CPT1C: variants seen among roughly 807,000 people sequenced by gnomAD.
The protein encoded by CPT1C is carnitine palmitoyltransferase 1C.
A neutral mutation model predicts 97.3 loss-of-function variants in CPT1C; 61 were observed. That is an observed-to-expected ratio of 0.63 (90% CI 0.51 to 0.78). The LOEUF (loss-of-function observed/expected upper bound fraction) is 0.78. CPT1C is among the 30% of genes least tolerant of loss of function. CPT1C has a pLI of 0.00. For synonymous variants in CPT1C, 469 were observed against 447.2 expected, an observed-to-expected ratio of 1.05 and a Z score of -0.61; for missense variants, 975 against 1,065.5, an observed-to-expected ratio of 0.92 and a Z score of 1.18.
At chr19:49,692,455 G>C in intron 3 of CPT1C, 62 bp downstream of exon 3, 1 of 1,590,296 alleles carries the variant, frequency 6.3e-7, no homozygotes, top group Non-Finnish European at 8.6e-7. Context: ...CGGGATGTCT[G>C]AGGCTCACTT....
rs771710311 is a variant in CPT1C at position 49,710,444 on chromosome 19, A to G, written c.1691A>G (p.Asp564Gly). 6 of 1,614,006 alleles carry G rather than the reference A, an allele frequency of 3.7e-6. No individual in the cohort carries two copies. In the East Asian group the frequency reaches 1.3e-4, roughly 36 times the overall value. Residue 564 changes from aspartate to glycine, a missense_variant, in exon 15 of 20, where the codon GAC (aspartate) becomes GGC (glycine). This residue lies in a region of CPT1C where 344 missense variants were observed against 395.7 expected (regional missense o/e 0.87). Transcript: ENST00000598293. Reference protein sequence around the residue: ...SFIRRCHLSSDSFIQIALQLA... With the variant: ...SFIRRCHLSSGSFIQIALQLA... ...ATCCGACGCTGCCACCTCTCTTCAG[A>G]CAGCTTCATCCAGATCGCCTTGCAA... is the stretch of plus-strand genomic sequence containing the variant.
intron 7 of CPT1C, among the ~76,000 whole-genome samples, chr19:49,703,425 C>T (rs2083302909): frequency 6.6e-6 from 1 of 151,192 alleles, no homozygotes; most frequent in African/African-American, 2.4e-5. Context: ...TGGTCTCGAC[C>T]TCCTGACCTC....
In CPT1C at chr19:49,701,524, T is replaced by C. The variant is rs2083058172; in HGVS notation, c.583T>C (p.Ser195Pro). ...KYLESVRPIL[S>P]DEDFDWTAVL... ...CCTGGAGTCGGTCCGGCCCATCCTCTCCGACGAGGACTTCGACTGGACCGC... is the reference window on the plus strand; with the variant it reads ...CCTGGAGTCGGTCCGGCCCATCCTCCCCGACGAGGACTTCGACTGGACCGC... The change falls in exon 7 of 20, where the codon TCC (serine) becomes CCC (proline). Residue 195 changes from serine to proline, a missense_variant. By Grantham distance (74) the Ser-to-Pro change is moderately conservative. Transcript: ENST00000598293. 8 of 1,611,216 alleles carry C rather than the reference T, an allele frequency of 5.0e-6. No individual in the cohort carries two copies. In the East Asian group the frequency reaches 1.8e-4, roughly 36 times the overall value.
chr19:49,713,697 C>T lies in CPT1C; in HGVS notation c.*92C>T, dbSNP rs770700729. On this transcript the variant is annotated 3_prime_UTR_variant, in exon 20 of 20. Coordinates refer to ENST00000598293, the MANE Select transcript of CPT1C (RefSeq NM_001199753.2). ...GGACAGGGGCAACTGGTTTGGCAAC[C>T]CCACATCCAGGCCAATAAAGATGTG... 8.2e-7 allele frequency: 1 copy of T among 1,212,508 alleles called. No individual in the cohort carries two copies. Among genetic ancestry groups the T allele is most frequent in the Non-Finnish European group, 1.2e-6 (1 of 855,134 alleles). 75.1% of individuals were successfully genotyped at this position (1,212,508 alleles called of 1,614,324 possible). A position where few individuals can be genotyped will look rare whatever the true frequency, so the allele number is the denominator to read the frequency against.
intron 3 of CPT1C, among the ~76,000 whole-genome samples, chr19:49,694,912 G>A (rs1022779769): frequency 5.3e-5 from 8 of 151,960 alleles, no homozygotes; most frequent in Admixed American, 2.6e-4. Flanking sequence ...AGGCCGAGGC[G>A]GGCAGATCAC....
chr19:49,696,359 G>A (rs12984428), intron 3 of CPT1C: 74,333 of 151,962 alleles, frequency 0.49, 19,850 homozygotes, highest in African/African-American at 0.73. Flanking sequence ...GCTGTTGGTC[G>A]TTCCTCATTC....
intron 12 of CPT1C, among the ~76,000 whole-genome samples, chr19:49,707,088 A>G (rs2083542806): frequency 6.6e-6 from 1 of 152,104 alleles, no homozygotes; most frequent in Admixed American, 6.6e-5. Context: ...CAGCCTGGCC[A>G]ATATGGTGAA....
intron 16 of CPT1C, 82 bp downstream of exon 16, chr19:49,710,939 A>T: frequency 6.8e-7 from 1 of 1,460,752 alleles, no homozygotes; most frequent in Non-Finnish European, 9.3e-7. Context: ...GACCTACTGA[A>T]GCCAGCCTCC....
At chr19:49,711,121 T>C (rs142472919) in intron 16 of CPT1C, 2,845 of 278,976 alleles carry the variant, frequency 0.01, 22 homozygotes, top group Non-Finnish European at 0.014. Flanking sequence ...TGAGATGGAG[T>C]CTTGCTCTGT....
chr19:49,697,503 ACT>A, intron 4 of CPT1C, 38 bp downstream of exon 4: 1 of 1,597,284 alleles, frequency 6.3e-7, no homozygotes. Context: ...ACCCCCAATC[ACT>A]CTCCCTTCAC....
intron 17 of CPT1C, chr19:49,712,269 G>C (rs1018555108): frequency 9.9e-5 from 37 of 373,394 alleles, no homozygotes; most frequent in Non-Finnish European, 2.5e-5. Context: ...CCTTGAACCC[G>C]GGAGGCGGAG....
rs1273423521 is a variant in CPT1C at position 49,712,917 on chromosome 19, G to A, written c.2134-55G>A. ...GCTGGGGGGCCTGCACTCCTGCATA[G>A]TGGGGGTGGAGGGGACCGGAGCTAT... On this transcript the variant is annotated intron_variant, in intron 18 of 19. Transcript: ENST00000598293. The A allele has an allele frequency of 1.9e-6, 3 of 1,594,898 alleles. No homozygotes were observed. In the East Asian group the frequency reaches 6.7e-5, roughly 36 times the overall value.
chr19:49,706,453 C>T lies in CPT1C; in HGVS notation c.1343+40C>T, dbSNP rs998684440. The T allele has an allele frequency of 2.8e-5, 40 of 1,421,624 alleles. No homozygotes were observed. Among genetic ancestry groups the T allele is most frequent in the Non-Finnish European group, 3.5e-5 (38 of 1,093,820 alleles). 88.1% of individuals were successfully genotyped at this position (1,421,624 alleles called of 1,614,324 possible). On this transcript the variant is annotated intron_variant, in intron 12 of 19. Transcript: ENST00000598293. The surrounding 1 kb of genome is among the most constrained non-coding windows in gnomAD (Gnocchi z 4.8). Reference sequence around the variant, plus strand: ...GGATGGGGCCCCCAGATGTGGCACCCGAGAATCCAGTATCAGACCTAGGAC... The same window carrying T: ...GGATGGGGCCCCCAGATGTGGCACCTGAGAATCCAGTATCAGACCTAGGAC...
intron 4 of CPT1C, among the ~76,000 whole-genome samples, chr19:49,699,081 C>T (rs188076926): frequency 6.3e-4 from 96 of 151,672 alleles, no homozygotes; most frequent in African/African-American, 2.2e-3. Context: ...CCAGCCTGGG[C>T]GACAGAGAGA....
intron 7 of CPT1C, among the ~76,000 whole-genome samples, chr19:49,702,030 A>AATTATAAATAT (rs1568521125): frequency 2.0e-5 from 2 of 101,626 alleles, no homozygotes; most frequent in African/African-American, 4.3e-5. Context: ...ATAAATTATA[A>AATTATAAATAT]ATATATATTT....
chr19:49,703,188 C>T (rs2083286585), intron 7 of CPT1C, among the ~76,000 whole-genome samples: 1 of 138,112 alleles, frequency 7.2e-6, no homozygotes, highest in African/African-American at 2.6e-5. Context: ...CTCTCTCTTT[C>T]CTTCCTTTTT....
Position 49,711,450 on chromosome 19 carries a change from T to C in CPT1C, c.1867-359T>C, listed in dbSNP as rs2083882100. ...CGTAACTCTGCCCATTTAACCTCTT[T>C]GTGACTTGTGACCTTCCTTTGCACC... On this transcript the variant is annotated intron_variant, in intron 16 of 19. Transcript: ENST00000598293. The C allele has an allele frequency of 1.8e-5, 4 of 226,936 alleles. No individual in the cohort carries two copies. The South Asian group carries it at 4.0e-4, about 23-fold the overall frequency. The allele number at this position is 226,936 out of a possible 1,614,324, so 14.1% of individuals were successfully genotyped here. A position where few individuals can be genotyped will look rare whatever the true frequency, so the allele number is the denominator to read the frequency against.
chr19:49,707,714 G>T lies in CPT1C; in HGVS notation c.1449+91G>T, dbSNP rs1430601451. The T allele has an allele frequency of 1.2e-5, 10 of 840,298 alleles. No individual in the cohort carries two copies. The East Asian group carries it at 2.5e-4, about 21-fold the overall frequency. 52.1% of individuals were successfully genotyped at this position (840,298 alleles called of 1,614,324 possible). A position where few individuals can be genotyped will look rare whatever the true frequency, so the allele number is the denominator to read the frequency against. ...GCGCCTTAGTGTCAGAAGAAAAACT[G>T]AGGCTTGGCCGGGCACGGTGGTTCA... On this transcript the variant is annotated intron_variant, in intron 13 of 19. Transcript: ENST00000598293.
intron 3 of CPT1C, among the ~76,000 whole-genome samples, chr19:49,694,087 A>AAT (rs1568501596): frequency 9.3e-6 from 1 of 107,432 alleles, no homozygotes; most frequent in Non-Finnish European, 2.5e-5. Flanking sequence ...AATAAAATAA[A>AAT]AAATAAATAA....
Sources: gnomAD v4.1 joint callset for allele counts (sites outside exome capture counted in the v4.1 genomes callset) on GRCh38, gnomAD v4.1.1 for gene constraint, gnomAD v4.1.1 regional missense constraint, Gnocchi (gnomAD v3.1) non-coding constraint, MANE v1.5 for transcripts, NCBI Gene and HGNC (gene_info 2026-07-23, HGNC 2026-07-21) for gene names.